The following CAST variants were observed in gnomAD, a reference collection of about 807,000 sequenced individuals.
The protein encoded by CAST is calpastatin.
A neutral mutation model predicts 119.6 loss-of-function variants in CAST; 76 were observed. That is an observed-to-expected ratio of 0.64 (90% CI 0.53 to 0.77). The LOEUF is 0.77. Among genes scored for constraint, CAST ranks in the 30% least tolerant of loss-of-function variants. CAST has a pLI of 0.00. For synonymous variants in CAST, 319 were observed against 331.6 expected (o/e 0.96, Z 0.41); for missense variants, 953 against 946.5 (o/e 1.01, Z -0.09).
chr5:96,766,983 C>T (rs578093471), intron 27 of CAST, among the ~76,000 whole-genome samples: 2 of 152,166 alleles, frequency 1.3e-5, no homozygotes, highest in South Asian at 2.1e-4. Context: ...GAGCCCTTCC[C>T]ACTTTGATAG....
the CAST span, among the ~76,000 whole-genome samples, chr5:96,315,312 C>T: frequency 2.0e-5 from 3 of 152,214 alleles, no homozygotes; most frequent in East Asian, 5.8e-4. Flanking sequence ...CTACATACAC[C>T]TTCTTTTATA....
chr5:96,174,793 G>T, the CAST span, among the ~76,000 whole-genome samples: 1 of 152,142 alleles, frequency 6.6e-6, no homozygotes, highest in Non-Finnish European at 1.5e-5. Context: ...GCCTAACCAT[G>T]TACAATCTCT....
chr5:96,394,279 A>G, the CAST span, among the ~76,000 whole-genome samples: 1 of 152,238 alleles, frequency 6.6e-6, no homozygotes, highest in Admixed American at 6.5e-5. Context: ...GGAAGCCAGG[A>G]GCCATAGCAG....
chr5:96,128,802 G>T, the CAST span, among the ~76,000 whole-genome samples: 1 of 151,938 alleles, frequency 6.6e-6, no homozygotes, highest in Non-Finnish European at 1.5e-5. Flanking sequence ...GGTTTAAATG[G>T]ATCCCCCAAA....
chr5:96,433,985 T>A, the CAST span: 1 of 152,210 alleles, frequency 6.6e-6, no homozygotes, highest in Non-Finnish European at 1.5e-5. Flanking sequence ...AACATATTTT[T>A]AAGAATTCGT....
At chr5:96,228,568 C>T in the CAST span, among the ~76,000 whole-genome samples, 3 of 152,186 alleles carry the variant, frequency 2.0e-5, no homozygotes, top group African/African-American at 7.2e-5. Context: ...TTCGTGCCTG[C>T]ATTTGCAATC....
the CAST span, among the ~76,000 whole-genome samples, chr5:96,510,157 A>C: frequency 6.6e-6 from 1 of 152,188 alleles, no homozygotes; most frequent in African/African-American, 2.4e-5. Context: ...GGGAAGTCCA[A>C]GTTATTTCTC....
chr5:96,558,996 A>C (rs1396643474), intron 1 of CAST, among the ~76,000 whole-genome samples: 1 of 152,044 alleles, frequency 6.6e-6, no homozygotes, highest in Admixed American at 6.6e-5. Flanking sequence ...GCACATCAAA[A>C]AGCTTATCCA....
the CAST span, among the ~76,000 whole-genome samples, chr5:96,205,045 A>G: frequency 6.6e-6 from 1 of 152,184 alleles, no homozygotes; most frequent in Non-Finnish European, 1.5e-5. Context: ...CAAACAACTG[A>G]CGTGACAAGG....
At chr5:96,284,399 G>C in the CAST span, among the ~76,000 whole-genome samples, 1 of 152,136 alleles carries the variant, frequency 6.6e-6, no homozygotes, top group South Asian at 2.1e-4. Flanking sequence ...TGCCCATACA[G>C]AGCCCCTAGA....
the CAST span, among the ~76,000 whole-genome samples, chr5:96,177,311 T>G: frequency 6.6e-6 from 1 of 152,316 alleles, no homozygotes; most frequent in African/African-American, 2.4e-5. Flanking sequence ...TGGTGAACTA[T>G]GTGGCACTTT....
intron 1 of CAST, among the ~76,000 whole-genome samples, chr5:96,592,909 C>T (rs1433890682): frequency 1.3e-5 from 2 of 152,060 alleles, no homozygotes; most frequent in African/African-American, 2.4e-5. Context: ...GGACTACAGG[C>T]GCCTGCCACC....
chr5:96,540,270 A>G lies in CAST; in HGVS notation c.60+10390A>G, dbSNP rs191086457. Among the ~76,000 whole-genome samples the G allele has an allele frequency of 3.2e-3, 488 of 152,188 alleles. 3 individuals carry two copies. Among genetic ancestry groups the G allele is most frequent in the African/African-American group, 9.9e-3 (412 of 41,548 alleles). ...GTCGTATTGCTTTTCATTTATTTTT[A>G]TAACCCCTATCTCCATCTGTTATCA... On this transcript the variant is annotated intron_variant, in intron 1 of 11. Transcript: ENST00000505143.
the CAST span, among the ~76,000 whole-genome samples, chr5:96,511,010 T>C: frequency 6.6e-6 from 1 of 152,194 alleles, no homozygotes; most frequent in Non-Finnish European, 1.5e-5. Flanking sequence ...TCTAATCCAC[T>C]CCTGGCTTGT....
upstream of CAST, among the ~76,000 whole-genome samples, chr5:96,527,224 A>T (rs1245756649): frequency 6.6e-6 from 1 of 152,192 alleles, no homozygotes; most frequent in Non-Finnish European, 1.5e-5. Context: ...TCAAGGTGAG[A>T]TTCAACAGAA....
chr5:96,267,187 T>G, the CAST span, among the ~76,000 whole-genome samples: 1 of 152,022 alleles, frequency 6.6e-6, no homozygotes, highest in African/African-American at 2.4e-5. Flanking sequence ...GAAAATTGCC[T>G]CAAAAGACCA....
the CAST span, among the ~76,000 whole-genome samples, chr5:96,312,869 ATAACT>A: frequency 2.0e-5 from 3 of 152,244 alleles, no homozygotes; most frequent in South Asian, 2.1e-4. Flanking sequence ...AACATAGAAA[ATAACT>A]TAAGTGACCT....
intron 1 of CAST, among the ~76,000 whole-genome samples, chr5:96,663,857 C>A (rs988232857): frequency 4.0e-5 from 6 of 151,726 alleles, no homozygotes; most frequent in African/African-American, 1.5e-4. Context: ...GTTTGTCCTG[C>A]CAATTAGGTG....
intron 2 of CAST, among the ~76,000 whole-genome samples, chr5:96,686,992 T>G (rs1752158116): frequency 6.6e-6 from 1 of 152,166 alleles, no homozygotes; most frequent in Non-Finnish European, 1.5e-5. Context: ...TGCATTCTAT[T>G]ATAGTTATTC....
Sources: allele counts gnomAD v4.1 joint callset (sites outside exome capture counted in the v4.1 genomes callset), GRCh38; gene constraint gnomAD v4.1.1; transcripts MANE v1.5; gene names NCBI Gene and HGNC (gene_info 2026-07-23, HGNC 2026-07-21).